The following DENND2B variants were observed in gnomAD, a reference collection of about 807,000 sequenced individuals.
The protein encoded by DENND2B is DENN domain-containing protein 2B.
Under a neutral mutation model 116.0 loss-of-function variants are expected in DENND2B, and 32 were observed. That is an observed-to-expected ratio of 0.28 (90% confidence interval 0.21 to 0.37). The LOEUF (loss-of-function observed/expected upper bound fraction) is 0.37, where lower values mean the gene tolerates loss of function less well. Among genes scored for constraint, DENND2B ranks in the 10% least tolerant of loss-of-function variants. The probability of loss-of-function intolerance (pLI) is 1.00; values close to 1 mark genes in which losing one functional copy is unlikely to be tolerated. For synonymous variants in DENND2B, 588 were observed against 583.9 expected (o/e 1.01, Z -0.10); for missense variants, 1,276 against 1,477.7 (o/e 0.86, Z 2.24).
At chr11:8,804,809 G>A (rs767643492) in intron 1 of DENND2B, among the ~76,000 whole-genome samples, 17 of 152,042 alleles carry the variant, frequency 1.1e-4, no homozygotes, top group Non-Finnish European at 2.2e-4. Flanking sequence ...CTCCCAAAGC[G>A]CTGGGATTAC....
At chr11:8,910,167 G>A (rs1302174871) in intron 1 of DENND2B, among the ~76,000 whole-genome samples, 1 of 151,838 alleles carries the variant, frequency 6.6e-6, no homozygotes, top group African/African-American at 2.4e-5. Context: ...GCTGCGCTGA[G>A]GGATTATGAG....
intron 4 of DENND2B, among the ~76,000 whole-genome samples, chr11:8,825,885 G>A (rs1359633752): frequency 6.6e-6 from 1 of 152,162 alleles, no homozygotes; most frequent in Admixed American, 6.5e-5. Context: ...CAGATCAAAT[G>A]AGATTCATGT....
chr11:8,823,633 C>T (rs1453333294), intron 4 of DENND2B, among the ~76,000 whole-genome samples: 1 of 152,188 alleles, frequency 6.6e-6, no homozygotes, highest in Non-Finnish European at 1.5e-5. Context: ...CCCCTGCTTA[C>T]ACTCATTCTC....
intron 1 of DENND2B, among the ~76,000 whole-genome samples, chr11:8,889,378 G>T (rs919410779): frequency 6.6e-6 from 1 of 152,200 alleles, no homozygotes; most frequent in African/African-American, 2.4e-5. Flanking sequence ...TCTCAATGGG[G>T]CTTGTCAGAC....
At chr11:8,760,629 A>G (rs545641868) in intron 1 of DENND2B, among the ~76,000 whole-genome samples, 1 of 152,300 alleles carries the variant, frequency 6.6e-6, no homozygotes, top group South Asian at 2.1e-4. Context: ...AGAAAAAAAG[A>G]GAAGAGAAGA....
intron 1 of DENND2B, among the ~76,000 whole-genome samples, chr11:8,893,265 C>G (rs2064056799): frequency 6.6e-6 from 1 of 152,036 alleles, no homozygotes; most frequent in South Asian, 2.1e-4. Context: ...ATAAGAGCTA[C>G]TTATGACAAA....
At chr11:8,761,444 T>C (rs2054606202) in intron 1 of DENND2B, among the ~76,000 whole-genome samples, 1 of 152,152 alleles carries the variant, frequency 6.6e-6, no homozygotes, top group Admixed American at 6.5e-5. Flanking sequence ...ACATGGTGGG[T>C]CCTGCAATTT....
At chr11:8,820,709 T>G (rs1475592552) in intron 4 of DENND2B, among the ~76,000 whole-genome samples, 1 of 152,158 alleles carries the variant, frequency 6.6e-6, no homozygotes, top group Admixed American at 6.5e-5. Context: ...TCTATGTTAT[T>G]AAGAAATTAA....
At chr11:8,800,725 T>C (rs928541423) in intron 1 of DENND2B, among the ~76,000 whole-genome samples, 5 of 152,206 alleles carry the variant, frequency 3.3e-5, no homozygotes. Context: ...AGAGCTTTGG[T>C]AGCACTCAAA....
intron 1 of DENND2B, among the ~76,000 whole-genome samples, chr11:8,769,511 C>T (rs369222626): frequency 6.6e-6 from 1 of 152,230 alleles, no homozygotes; most frequent in African/African-American, 2.4e-5. Context: ...CCACCCGCCT[C>T]GGCCTCCCAA....
intron 11 of DENND2B, among the ~76,000 whole-genome samples, chr11:8,710,339 A>C (rs2043375554): frequency 6.6e-6 from 1 of 152,128 alleles, no homozygotes; most frequent in Admixed American, 6.5e-5. Context: ...AGATTCCCAG[A>C]GAAGGTATGT....
intron 13 of DENND2B, among the ~76,000 whole-genome samples, chr11:8,705,928 A>C (rs1174008723): frequency 1.3e-5 from 2 of 152,200 alleles, no homozygotes; most frequent in African/African-American, 4.8e-5. Context: ...CATTATCTAC[A>C]TGGCAGCCAC....
At chr11:8,865,803 G>C (rs576377307) in intron 2 of DENND2B, among the ~76,000 whole-genome samples, 3 of 79,548 alleles carry the variant, frequency 3.8e-5, no homozygotes, top group African/African-American at 1.1e-4. Context: ...TGGAGGTGGA[G>C]GAGGTCAAAA....
chr11:8,760,700 C>T (rs979465159), intron 1 of DENND2B, among the ~76,000 whole-genome samples: 1 of 152,116 alleles, frequency 6.6e-6, no homozygotes, highest in South Asian at 2.1e-4. Context: ...AACAGTAAAC[C>T]CTTTTCTCCT....
rs759069401 is a variant in DENND2B at position 8,717,888 on chromosome 11, A to G, written c.1482T>C (p.Asp494=). 5 of 1,609,624 alleles carry G rather than the reference A, an allele frequency of 3.1e-6. No individual in the cohort carries two copies. The highest frequency in any genetic ancestry group is 4.2e-6 in the Non-Finnish European group (5 of 1,177,570). The change falls in exon 5 of 20, where the codon GAT becomes GAC. Residue 494 remains aspartate, a synonymous_variant. Coordinates refer to ENST00000313726, the MANE Select transcript of DENND2B (RefSeq NM_213618.2). ...EENAYEDIVG[D]LPKENPYEDV... ...CCTCATATGGATTCTCCTTGGGCAG[A>G]TCTCCTGCAGAGGAGGAAGAGTTAG...
chr11:8,758,322 G>A (rs2053963532), intron 1 of DENND2B, among the ~76,000 whole-genome samples: 1 of 151,984 alleles, frequency 6.6e-6, no homozygotes, highest in Non-Finnish European at 1.5e-5. Flanking sequence ...AGAACCACTG[G>A]CCCTCAACCA....
chr11:8,862,322 CTTTTTTTTTTTTTTT>C (rs557309893), intron 2 of DENND2B, among the ~76,000 whole-genome samples: 1 of 64,868 alleles, frequency 1.5e-5, no homozygotes, highest in East Asian at 4.9e-4. Flanking sequence ...CTTTTTCACT[CTTTTTTTTTTTTTTT>C]TTTTTTTTTT....
At chr11:8,894,236 C>T (rs1180543404) in intron 1 of DENND2B, among the ~76,000 whole-genome samples, 1 of 152,158 alleles carries the variant, frequency 6.6e-6, no homozygotes, top group Non-Finnish European at 1.5e-5. Context: ...ACACCTTATA[C>T]AAAAATTAAT....
intron 1 of DENND2B, among the ~76,000 whole-genome samples, chr11:8,753,515 C>T (rs1431362198): frequency 6.6e-6 from 1 of 152,058 alleles, no homozygotes; most frequent in Non-Finnish European, 1.5e-5. Flanking sequence ...CAACAGAATA[C>T]CCATCAAAAT....
Sources: allele counts gnomAD v4.1 joint callset (sites outside exome capture counted in the v4.1 genomes callset), GRCh38; gene constraint gnomAD v4.1.1; transcripts MANE v1.5; gene names NCBI Gene and HGNC (gene_info 2026-07-23, HGNC 2026-07-21).